RECK: variants seen among roughly 807,000 people sequenced by gnomAD.
RECK encodes the protein reversion-inducing cysteine-rich protein with Kazal motifs.
Under a neutral mutation model 115.1 loss-of-function variants are expected in RECK, and 69 were observed. That is an observed-to-expected ratio of 0.60 (90% CI 0.49 to 0.73). The LOEUF (loss-of-function observed/expected upper bound fraction) is 0.73. RECK is among the 30% of genes least tolerant of loss of function. The pLI, the probability that RECK is intolerant of heterozygous loss-of-function variation, is 0.00. For synonymous variants in RECK, 414 were observed against 419.7 expected (o/e 0.99, Z 0.17); for missense variants, 1,047 against 1,203.7 (o/e 0.87, Z 1.93).
chr9:36,080,526 T>G, intron 6 of RECK, 79 bp from the exon 7 acceptor site: 1 of 1,130,078 alleles, frequency 8.8e-7, no homozygotes, highest in Admixed American at 1.9e-5. Context: ...ATGATTTCCA[T>G]GTAACCATAA....
At chr9:36,084,686 A>G (rs540782701) in intron 8 of RECK, among the ~76,000 whole-genome samples, 7 of 145,998 alleles carry the variant, frequency 4.8e-5, no homozygotes, top group South Asian at 2.4e-4. Context: ...CAGACCAGAC[A>G]TCGTCAGGAA....
At chr9:36,112,220 TTG>T (rs1370321613) in intron 15 of RECK, 83 bp from the exon 16 acceptor site, 1 of 1,272,052 alleles carries the variant, frequency 7.9e-7, no homozygotes, top group African/African-American at 1.5e-5. Context: ...CTTCACATGA[TTG>T]CTCATGGTTT....
At chr9:36,118,593 C>A (rs1228876699) in intron 17 of RECK, among the ~76,000 whole-genome samples, 164 bp from the exon 18 acceptor site, 1 of 152,128 alleles carries the variant, frequency 6.6e-6, no homozygotes, top group Non-Finnish European at 1.5e-5. Context: ...CCCACGCCAC[C>A]ACCACCCCCA....
At chr9:36,080,872 C>A (rs922338491) in intron 7 of RECK, among the ~76,000 whole-genome samples, 1 of 152,176 alleles carries the variant, frequency 6.6e-6, no homozygotes, top group Admixed American at 6.5e-5. Context: ...GTTAAGTACA[C>A]CCATGCTATA....
Position 36,118,815 on chromosome 9 carries a change from T to C in RECK, c.2312T>C (p.Val771Ala). ...CGHNGETYSS[V>A]CAAYSDRVAV... ...CACAATGGTGAGACCTACAGCAGTG[T>C]GTGTGCTGCCTACTCGGATCGCGTG... Residue 771 changes from valine to alanine, a missense_variant, in exon 18 of 21, where the codon GTG becomes GCG. Coordinates refer to ENST00000377966, the MANE Select transcript of RECK (RefSeq NM_021111.3). 1 of 1,614,160 alleles carries C rather than the reference T, an allele frequency of 6.2e-7. No homozygotes were observed. The highest frequency in any genetic ancestry group is 8.5e-7 in the Non-Finnish European group (1 of 1,180,030).
chr9:36,116,863 C>G, intron 16 of RECK, 122 bp from the exon 17 acceptor site: 2 of 708,722 alleles, frequency 2.8e-6, no homozygotes, highest in Non-Finnish European at 2.4e-6. Flanking sequence ...TCTTTGGAGA[C>G]AGGACTGTCC....
At position 36,052,308 on chromosome 9, in the gene RECK, TG is replaced by T; in HGVS notation, c.145del (p.Asp49MetfsTer15). 6.2e-7 allele frequency: 1 copy of T among 1,608,980 alleles called. No homozygotes were observed. The highest frequency in any genetic ancestry group is 8.5e-7 in the Non-Finnish European group (1 of 1,175,568). On this transcript the variant is annotated frameshift_variant, in exon 2 of 21. Coordinates refer to ENST00000377966, the MANE Select transcript of RECK (RefSeq NM_021111.3). LOFTEE classifies it high-confidence loss of function. ...ATTCAAAGGATAACCAAATGTGCCG[TG>T]ATGTATGTGAACAGGTAAGATTACA... ...NHSKDNQMCR[D>X]VCEQIFSSKS...
In RECK at chr9:36,091,285, C is replaced by T. The variant is rs1161188705; in HGVS notation, c.1027C>T (p.Arg343Trp). 5 of 1,606,904 alleles carry T rather than the reference C, an allele frequency of 3.1e-6. No individual in the cohort carries two copies. The highest frequency in any genetic ancestry group is 1.1e-5 in the South Asian group (1 of 89,682). ...VSMLTCLADV[R>W]EPCQLGCRNL... ...CATGTTGACCTGTTTAGCGGATGTC[C>T]GGGAACCTTGCCAGTTGGGCTGTAG... The change falls in exon 10 of 21, where the codon CGG (arginine) becomes TGG (tryptophan). Residue 343 changes from arginine to tryptophan, a missense_variant. Arg to Trp is a moderately radical substitution (Grantham distance 101). Coordinates refer to ENST00000377966, the MANE Select transcript of RECK (RefSeq NM_021111.3).
At chr9:36,037,720 T>C (rs922510452) in intron 1 of RECK, among the ~76,000 whole-genome samples, 2 of 151,892 alleles carry the variant, frequency 1.3e-5, no homozygotes, top group Non-Finnish European at 2.9e-5. Flanking sequence ...GCTTCCCGCT[T>C]GCTGGCCTTT....
At chr9:36,063,946 C>A in intron 5 of RECK, 66 bp downstream of exon 5, 1 of 1,484,408 alleles carries the variant, frequency 6.7e-7, no homozygotes, top group Non-Finnish European at 9.4e-7. Context: ...GTGCACATGT[C>A]TTGGGCCTTG....
At chr9:36,107,105 C>CAAAAAAAAAAAAAAA (rs34425685) in intron 13 of RECK, among the ~76,000 whole-genome samples, 1 of 82,450 alleles carries the variant, frequency 1.2e-5, no homozygotes, top group Non-Finnish European at 2.3e-5. Flanking sequence ...GACTCCGTCT[C>CAAAAAAAAAAAAAAA]AAAAAAAAAA....
intron 18 of RECK, among the ~76,000 whole-genome samples, 184 bp downstream of exon 18, chr9:36,119,151 C>T (rs1824371086): frequency 6.6e-6 from 1 of 152,216 alleles, no homozygotes; most frequent in African/African-American, 2.4e-5. Context: ...CCTTCGATAT[C>T]ATCTGGTGTC....
At chr9:36,062,740 AGTGCTGGGATTACAG>A (rs1424209475) in intron 4 of RECK, among the ~76,000 whole-genome samples, 2 of 152,086 alleles carry the variant, frequency 1.3e-5, no homozygotes, top group African/African-American at 4.8e-5. Flanking sequence ...GGCCTCCCAA[AGTGCTGGGATTACAG>A]GTGGGAGCCA....
intron 2 of RECK, among the ~76,000 whole-genome samples, chr9:36,054,395 C>G (rs6476516): frequency 0.55 from 83,101 of 151,024 alleles, 23,146 homozygotes; most frequent in East Asian, 0.79. Context: ...GGTAGCTTAT[C>G]ATATTCAGCA....
intron 12 of RECK, among the ~76,000 whole-genome samples, chr9:36,104,310 ATATATATATATATATATTTTTTTTTTT>A (rs1823691887): frequency 3.4e-5 from 2 of 59,156 alleles, no homozygotes; most frequent in Admixed American, 2.3e-4. Context: ...ATATATATAT[ATATATATATATATATATTTTTTTTTTT>A]TTTTTTTTTT....
intron 1 of RECK, 30 bp from the exon 2 acceptor site, chr9:36,052,235 C>A: frequency 7.0e-7 from 1 of 1,438,362 alleles, no homozygotes; most frequent in Non-Finnish European, 9.8e-7. Context: ...AACAGTGGAA[C>A]AACATTTGAT....
intron 10 of RECK, among the ~76,000 whole-genome samples, chr9:36,098,330 T>C (rs1823440572): frequency 6.6e-6 from 1 of 152,224 alleles, no homozygotes; most frequent in South Asian, 2.1e-4. Context: ...ACAATAAATA[T>C]ATAATTTTTG....
chr9:36,048,807 A>G (rs1164658160), intron 1 of RECK, among the ~76,000 whole-genome samples: 2 of 152,044 alleles, frequency 1.3e-5, no homozygotes, highest in Non-Finnish European at 2.9e-5. Context: ...TTTACTTCCA[A>G]CTGGATATAA....
At chr9:36,086,730 C>G (rs764023443) in intron 8 of RECK, among the ~76,000 whole-genome samples, 2 of 152,166 alleles carry the variant, frequency 1.3e-5, no homozygotes, top group African/African-American at 2.4e-5. Flanking sequence ...AAAAGTTCTC[C>G]AAGTCCCCAC....
Sources: gnomAD v4.1 joint callset for allele counts (sites outside exome capture counted in the v4.1 genomes callset) on GRCh38, gnomAD v4.1.1 for gene constraint, MANE v1.5 for transcripts, NCBI Gene and HGNC (gene_info 2026-07-23, HGNC 2026-07-21) for gene names.